CNTN5: variants seen among roughly 807,000 people sequenced by gnomAD.
CNTN5 encodes the protein contactin 5.
In CNTN5, 77 loss-of-function variants were observed where a neutral mutation model predicts 129.1. The observed-to-expected ratio is 0.60, with a 90% CI of 0.50 to 0.72. CNTN5 has a LOEUF of 0.72. Ranked by LOEUF, CNTN5 falls within the 30% of genes least tolerant of loss-of-function variation. The probability of loss-of-function intolerance (pLI) is 0.00; values close to 1 mark genes in which losing one functional copy is unlikely to be tolerated. For missense variants in CNTN5, 1,478 were observed against 1,328.8 expected (o/e 1.11, Z -1.75); for synonymous variants, 509 against 465.6 (o/e 1.09, Z -1.20).
At chr11:99,571,273 G>A (rs1949166792) in intron 3 of CNTN5, among the ~76,000 whole-genome samples, 1 of 152,128 alleles carries the variant, frequency 6.6e-6, no homozygotes, top group South Asian at 2.1e-4. Context: ...GCTTCATTAT[G>A]AGTCAGTACT....
At chr11:99,383,797 G>A (rs962302721) in intron 2 of CNTN5, among the ~76,000 whole-genome samples, 2 of 152,164 alleles carry the variant, frequency 1.3e-5, no homozygotes, top group African/African-American at 4.8e-5. Flanking sequence ...AGGATTATCT[G>A]ATGATAATGA....
chr11:99,663,178 A>C (rs1443527700), intron 3 of CNTN5, among the ~76,000 whole-genome samples: 1 of 152,136 alleles, frequency 6.6e-6, no homozygotes, highest in Non-Finnish European at 1.5e-5. Flanking sequence ...TGCATTAAGA[A>C]AAGAAATAGG....
intron 2 of CNTN5, among the ~76,000 whole-genome samples, chr11:99,437,242 C>A (rs190321871): frequency 1.3e-5 from 2 of 152,230 alleles, no homozygotes; most frequent in Admixed American, 6.5e-5. Flanking sequence ...TATAAAAATA[C>A]CTGATGTTAT....
At chr11:99,500,333 T>C (rs1172614409) in intron 2 of CNTN5, among the ~76,000 whole-genome samples, 1 of 152,172 alleles carries the variant, frequency 6.6e-6, no homozygotes, top group Non-Finnish European at 1.5e-5. Flanking sequence ...ATTCCAATGA[T>C]ACCTTTAAAA....
chr11:99,770,968 A>G, intron 3 of CNTN5, among the ~76,000 whole-genome samples: 1 of 152,084 alleles, frequency 6.6e-6, no homozygotes, highest in East Asian at 1.9e-4. Context: ...AACACACAAC[A>G]GAGATCCCAG....
chr11:99,483,248 G>A (rs377443605), intron 2 of CNTN5, among the ~76,000 whole-genome samples: 18 of 151,066 alleles, frequency 1.2e-4, no homozygotes, highest in African/African-American at 4.1e-4. Context: ...TTGGAAGAGG[G>A]CCAAGCTGGC....
intron 2 of CNTN5, among the ~76,000 whole-genome samples, chr11:99,404,850 GTTC>G (rs1282129844): frequency 3.3e-5 from 5 of 152,030 alleles, no homozygotes; most frequent in Admixed American, 3.3e-4. Context: ...GCTCATTAAT[GTTC>G]TTCTCTCTCT....
At chr11:99,645,139 A>G (rs1050825587) in intron 3 of CNTN5, among the ~76,000 whole-genome samples, 11 of 149,416 alleles carry the variant, frequency 7.4e-5, no homozygotes, top group Non-Finnish European at 1.5e-4. Flanking sequence ...GGGTTCCTGT[A>G]GTCCCAGCTG....
At chr11:99,453,005 G>A (rs1421516127) in intron 2 of CNTN5, among the ~76,000 whole-genome samples, 1 of 152,168 alleles carries the variant, frequency 6.6e-6, no homozygotes, top group African/African-American at 2.4e-5. Context: ...AGAAGTGGCA[G>A]CACCTGGGTT....
At chr11:99,327,013 T>G (rs1307577485) in intron 2 of CNTN5, among the ~76,000 whole-genome samples, 1 of 152,220 alleles carries the variant, frequency 6.6e-6, no homozygotes, top group Non-Finnish European at 1.5e-5. Flanking sequence ...ATAAACATTT[T>G]GTTCTTAACT....
At chr11:99,340,416 C>T (rs1198990206) in intron 2 of CNTN5, among the ~76,000 whole-genome samples, 5 of 151,514 alleles carry the variant, frequency 3.3e-5, no homozygotes, top group Admixed American at 3.3e-4. Flanking sequence ...ACATAGATTA[C>T]AGAGATGTGG....
At chr11:99,147,151 T>C (rs941563644) in intron 1 of CNTN5, among the ~76,000 whole-genome samples, 2 of 152,240 alleles carry the variant, frequency 1.3e-5, no homozygotes, top group African/African-American at 4.8e-5. Flanking sequence ...TGTTTTGTTA[T>C]TAATGCATCT....
At chr11:99,570,557 G>A (rs1319556197) in intron 3 of CNTN5, among the ~76,000 whole-genome samples, 1 of 152,018 alleles carries the variant, frequency 6.6e-6, no homozygotes, top group Non-Finnish European at 1.5e-5. Flanking sequence ...AATTTTCAAG[G>A]ATCTTTTAGT....
chr11:99,172,823 C>T (rs1470283355), intron 1 of CNTN5, among the ~76,000 whole-genome samples: 1 of 152,084 alleles, frequency 6.6e-6, no homozygotes, highest in Non-Finnish European at 1.5e-5. Flanking sequence ...GAATTTGTTT[C>T]CATCATGAGC....
chr11:99,260,256 A>T (rs1324169208), intron 1 of CNTN5, among the ~76,000 whole-genome samples: 1 of 151,658 alleles, frequency 6.6e-6, no homozygotes, highest in South Asian at 2.1e-4. Flanking sequence ...ACTGCCTTAA[A>T]TATATATATT....
At chr11:99,977,563 G>C (rs12274569) in intron 8 of CNTN5, among the ~76,000 whole-genome samples, 1 of 152,136 alleles carries the variant, frequency 6.6e-6, no homozygotes, top group African/African-American at 2.4e-5. Flanking sequence ...AATGCAGACA[G>C]ACAAGAAGCA....
intron 13 of CNTN5, among the ~76,000 whole-genome samples, chr11:100,094,765 A>AAAGGAAGGAAGGAAGG (rs57565481): frequency 0.022 from 2,499 of 113,880 alleles, 54 homozygotes; most frequent in Middle Eastern, 0.045. Context: ...GGGAGGGAGG[A>AAAGGAAGGAAGGAAGG]AAGGAAGGAA....
intron 1 of CNTN5, among the ~76,000 whole-genome samples, chr11:99,321,242 CACAG>C (rs1484551105): frequency 5.9e-5 from 9 of 151,616 alleles, no homozygotes; most frequent in Admixed American, 3.3e-4. Flanking sequence ...ACATACAACA[CACAG>C]ACAGACATAC....
chr11:100,187,656 C>T (rs1948342980), intron 13 of CNTN5, among the ~76,000 whole-genome samples: 1 of 152,084 alleles, frequency 6.6e-6, no homozygotes, highest in African/African-American at 2.4e-5. Context: ...CTACAGTCAT[C>T]TTACCAAAGT....
Sources: gnomAD v4.1 joint callset for allele counts (sites outside exome capture counted in the v4.1 genomes callset) on GRCh38, gnomAD v4.1.1 for gene constraint, MANE v1.5 for transcripts, NCBI Gene and HGNC (gene_info 2026-07-23, HGNC 2026-07-21) for gene names.